Variants in COL5A3 observed in about 807,000 individuals in gnomAD.
COL5A3 encodes collagen alpha-3(V) chain.
In COL5A3, 172 loss-of-function variants were observed where a neutral mutation model predicts 250.0. The observed-to-expected ratio is 0.69, with a 90% CI of 0.61 to 0.78. The LOEUF (loss-of-function observed/expected upper bound fraction) is 0.78, where lower values mean the gene tolerates loss of function less well. Ranked by LOEUF, COL5A3 falls within the 30% of genes least tolerant of loss-of-function variation. The pLI, the probability that COL5A3 is intolerant of heterozygous loss-of-function variation, is 0.00. For missense variants in COL5A3, 2,340 were observed against 2,334.4 expected, an observed-to-expected ratio of 1.00 and a Z score of -0.05; for synonymous variants, 937 against 900.4, an observed-to-expected ratio of 1.04 and a Z score of -0.73.
At chr19:10,003,997 C>T (rs917543148) in intron 5 of COL5A3, 44 bp downstream of exon 5, 2 of 1,478,846 alleles carry the variant, frequency 1.4e-6, no homozygotes, top group African/African-American at 2.8e-5. Flanking sequence ...AGGAAGGACC[C>T]AGCCTGTGTC....
Position 10,009,923 on chromosome 19 carries a change from T to C in COL5A3, c.88+375A>G, listed in dbSNP as rs999449145. ...ACAAGTGCATACTCACCTGTCGCAA[T>C]ACACACCGTCCCAGCACTGCCCTGT... On this transcript the variant is annotated intron_variant, in intron 1 of 66. Transcript: ENST00000264828. The surrounding 1 kb of genome is among the most constrained non-coding windows in gnomAD (Gnocchi z 4.4). Among the ~76,000 whole-genome samples, 1 of 151,960 alleles carries C rather than the reference T, an allele frequency of 6.6e-6. No homozygotes were observed. The highest frequency in any genetic ancestry group is 2.4e-5 in the African/African-American group (1 of 41,346).
At chr19:9,997,312 G>A (rs931220638) in intron 11 of COL5A3, 59 bp downstream of exon 11, 29 of 1,317,452 alleles carry the variant, frequency 2.2e-5, no homozygotes, top group South Asian at 3.7e-5. Context: ...AGACTGTCAC[G>A]CTCCCAGCCC....
Position 10,001,652 on chromosome 19 carries a change from T to C in COL5A3, c.982A>G (p.Ser328Gly). The change falls in exon 8 of 67, where the codon AGT (serine) becomes GGT (glycine). Residue 328 changes from serine (S) to glycine (G), a missense_variant. Coordinates refer to ENST00000264828, the MANE Select transcript of COL5A3 (RefSeq NM_015719.4). ...TILERSLDPD[S>G]GTELGTLETK... ...TCCAGGGTCCCCAGCTCGGTTCCAC[T>C]GTCAGGGTCCAAGCTCCTCTGAGAA... 1 of 1,614,062 alleles carries C rather than the reference T, an allele frequency of 6.2e-7. No homozygotes were observed. The highest frequency in any genetic ancestry group is 1.1e-5 in the South Asian group (1 of 91,074).
rs138430267 is a variant in COL5A3 at position 9,978,577 on chromosome 19, G to A, written c.3015C>T (p.Ala1005=). The A allele has an allele frequency of 2.1e-4, 328 of 1,570,420 alleles. No homozygotes were observed. The highest frequency in any genetic ancestry group is 2.6e-4 in the Non-Finnish European group (305 of 1,153,714). ...CAGCACATGGGGTTATACTTACATTGGCCCCCACGGGCCCTGGGGGGCCCT... is the reference window on the plus strand; with the variant it reads ...CAGCACATGGGGTTATACTTACATTAGCCCCCACGGGCCCTGGGGGGCCCT... The part of the protein sequence containing the change: ...GDKGPPGPVG[A]NGSPGERGPL... The change falls in exon 41 of 67, where the codon GCC becomes GCT. Residue 1005 remains alanine, a synonymous_variant. Coordinates refer to ENST00000264828, the MANE Select transcript of COL5A3 (RefSeq NM_015719.4).
intron 1 of COL5A3, 149 bp from the exon 2 acceptor site, chr19:10,006,380 G>C (rs775605873): frequency 1.2e-5 from 9 of 737,484 alleles, no homozygotes; most frequent in African/African-American, 1.8e-5. Flanking sequence ...AGAAGGAGCC[G>C]GCCTGGGCCC....
Position 9,993,436 on chromosome 19 carries a change from G to T in COL5A3, c.1696-3C>A. ...TGCCCCACATGGCCAAAGTCACCCT[G>T]GAGAGGGAACAGAGGGGAGTTCAGA... On this transcript the variant is annotated splice_region_variant and splice_polypyrimidine_tract_variant and intron_variant, in intron 18 of 66. Coordinates refer to ENST00000264828, the MANE Select transcript of COL5A3 (RefSeq NM_015719.4). The T allele has an allele frequency of 6.2e-7, 1 of 1,614,104 alleles. No homozygotes were observed. Among genetic ancestry groups the T allele is most frequent in the Middle Eastern group, 1.6e-4 (1 of 6,062 alleles).
intron 31 of COL5A3, among the ~76,000 whole-genome samples, chr19:9,983,411 C>T (rs2087036908): frequency 2.6e-5 from 4 of 151,672 alleles, no homozygotes; most frequent in South Asian, 2.1e-4. Context: ...GGCAGGAGGA[C>T]TGCTTGAGTC....
intron 4 of COL5A3, 72 bp downstream of exon 4, chr19:10,005,486 C>T: frequency 4.8e-6 from 7 of 1,468,356 alleles, no homozygotes; most frequent in South Asian, 1.2e-5. Context: ...TCTTTAATAT[C>T]CTCTCCAGAT....
intron 64 of COL5A3, among the ~76,000 whole-genome samples, chr19:9,965,156 C>CTTTTTTTTTTTTT (rs771519552): frequency 4.0e-5 from 4 of 100,302 alleles, no homozygotes; most frequent in Non-Finnish European, 6.2e-5. Flanking sequence ...TTTTCTTTTT[C>CTTTTTTTTTTTTT]TTTTTTTTTT....
At chr19:9,971,587 A>G (rs1188094061) in intron 51 of COL5A3, among the ~76,000 whole-genome samples, 2 of 151,994 alleles carry the variant, frequency 1.3e-5, no homozygotes, top group African/African-American at 4.8e-5. Flanking sequence ...TCATCCATCC[A>G]TCCATTCATT....
chr19:9,992,117 A>T (rs1347302351), intron 21 of COL5A3, 69 bp from the exon 22 acceptor site: 7 of 1,390,088 alleles, frequency 5.0e-6, no homozygotes, highest in Non-Finnish European at 7.1e-6. Context: ...AGACACCGAG[A>T]GATGCAGGTG....
chr19:9,974,437 A>G (rs769069797), intron 45 of COL5A3, 29 bp from the exon 46 acceptor site: 2 of 1,530,284 alleles, frequency 1.3e-6, no homozygotes, highest in African/African-American at 2.8e-5. Flanking sequence ...GGGCACATTT[A>G]AGGTCTGGGT....
chr19:9,974,085 C>A, intron 47 of COL5A3, 86 bp downstream of exon 47: 1 of 1,528,882 alleles, frequency 6.5e-7, no homozygotes, highest in East Asian at 2.3e-5. Flanking sequence ...CTTAAAATGA[C>A]AATGTCCCTC....
rs374793762 is a variant in COL5A3 at position 10,001,627 on chromosome 19, T to G, written c.1007A>C (p.Glu336Ala). The change falls in exon 8 of 67, where the codon GAG (glutamate) becomes GCG (alanine). Residue 336 changes from glutamate to alanine, a missense_variant. Physicochemically the swap from Glu to Ala is moderately radical, Grantham distance 107. Coordinates refer to ENST00000264828, the MANE Select transcript of COL5A3 (RefSeq NM_015719.4). ...TTCATCCTCCCTGGCTGCCTTGGTC[T>G]CCAGGGTCCCCAGCTCGGTTCCACT... ...PDSGTELGTL[E>A]TKAAREDEEG... 53 of 1,614,068 alleles carry G rather than the reference T, an allele frequency of 3.3e-5. No homozygotes were observed. Among genetic ancestry groups the G allele is most frequent in the Non-Finnish European group, 4.5e-5 (53 of 1,180,002 alleles).
chr19:9,989,544 G>A, intron 24 of COL5A3, 22 bp from the exon 25 acceptor site: 1 of 1,602,490 alleles, frequency 6.2e-7, no homozygotes, highest in Non-Finnish European at 8.5e-7. Flanking sequence ...TGAACAGCAG[G>A]GGAGAGACAG....
intron 55 of COL5A3, 63 bp from the exon 56 acceptor site, chr19:9,969,745 C>T: frequency 6.3e-7 from 1 of 1,576,882 alleles, no homozygotes; most frequent in Non-Finnish European, 8.7e-7. Context: ...TGACCCCTGC[C>T]AAGAAGCATC....
chr19:9,962,839 T>C lies in COL5A3; in HGVS notation c.4831A>G (p.Thr1611Ala). 1 of 1,611,486 alleles carries C rather than the reference T, an allele frequency of 6.2e-7. No homozygotes were observed. The highest frequency in any genetic ancestry group is 8.5e-7 in the Non-Finnish European group (1 of 1,178,806). Residue 1611 changes from threonine (T) to alanine (A), a missense_variant, in exon 65 of 67, where the codon ACA becomes GCA. By Grantham distance (58) the Thr-to-Ala change is moderately conservative. Around this residue, in one of 3 missense-constraint regions of COL5A3, gnomAD observed 1,179 missense variants for 1,162.6 expected, o/e 1.01. Transcript: ENST00000264828. Reference protein sequence around the residue: ...SKEKPGGWYSTFRRGKKFSYV... With the variant: ...SKEKPGGWYSAFRRGKKFSYV... Reference sequence around the variant, plus strand: ...CTCACCTTCTTCCCTCGACGGAATGTGCTATACCAGCCTCCAGGCTTTTCC... The same window carrying C: ...CTCACCTTCTTCCCTCGACGGAATGCGCTATACCAGCCTCCAGGCTTTTCC...
At chr19:9,966,484 C>A (rs2086747805) in intron 63 of COL5A3, 52 bp downstream of exon 63, 3 of 1,555,902 alleles carry the variant, frequency 1.9e-6, no homozygotes, top group South Asian at 1.2e-5. Flanking sequence ...GACCCCAACC[C>A]CCCCCACACC....
At chr19:9,980,129 C>G (rs1401985487) in intron 35 of COL5A3, 82 bp from the exon 36 acceptor site, 2 of 1,343,802 alleles carry the variant, frequency 1.5e-6, no homozygotes, top group Non-Finnish European at 2.0e-6. Context: ...ACAACAGGAT[C>G]GAGCACATAT....
Sources: allele counts gnomAD v4.1 joint callset (sites outside exome capture counted in the v4.1 genomes callset), GRCh38; gene constraint gnomAD v4.1.1; regional missense constraint gnomAD v4.1.1; non-coding constraint Gnocchi (gnomAD v3.1); transcripts MANE v1.5; gene names NCBI Gene and HGNC (gene_info 2026-07-23, HGNC 2026-07-21).